The following PPP2R5E variants were observed in gnomAD, a reference collection of about 807,000 sequenced individuals.
PPP2R5E encodes the protein protein phosphatase 2 regulatory subunit B'epsilon.
In PPP2R5E, 4 loss-of-function variants were observed where a neutral mutation model predicts 65.3. That is an observed-to-expected ratio of 0.06 (90% confidence interval 0.03 to 0.14). PPP2R5E has a LOEUF of 0.14. PPP2R5E is among the 10% of genes least tolerant of loss of function. The probability of loss-of-function intolerance (pLI) is 1.00; values close to 1 mark genes in which losing one functional copy is unlikely to be tolerated. For missense variants in PPP2R5E, 274 were observed against 556.1 expected, an observed-to-expected ratio of 0.49 and a Z score of 5.10; for synonymous variants, 183 against 187.4, an observed-to-expected ratio of 0.98 and a Z score of 0.19.
chr14:63,432,172 A>G (rs1887710857), intron 3 of PPP2R5E, among the ~76,000 whole-genome samples: 1 of 151,934 alleles, frequency 6.6e-6, no homozygotes, highest in Non-Finnish European at 1.5e-5. Context: ...GGAAGACATC[A>G]TTTTTATTTA....
At chr14:63,483,349 G>A (rs1890806589) in intron 2 of PPP2R5E, among the ~76,000 whole-genome samples, 1 of 152,146 alleles carries the variant, frequency 6.6e-6, no homozygotes, top group Non-Finnish European at 1.5e-5. Context: ...GATTAAGGCT[G>A]TCAGTGGGAA....
intron 2 of PPP2R5E, among the ~76,000 whole-genome samples, chr14:63,495,417 C>CAAAAAAAAAAAAAAAA (rs772700927): frequency 2.7e-4 from 25 of 93,096 alleles, no homozygotes; most frequent in East Asian, 9.1e-4. Context: ...ACTAAAAATA[C>CAAAAAAAAAAAAAAAA]AAAAAAAAAA....
intron 3 of PPP2R5E, among the ~76,000 whole-genome samples, chr14:63,441,185 C>T (rs909377314): frequency 6.7e-6 from 1 of 150,178 alleles, no homozygotes; most frequent in Admixed American, 6.6e-5. Context: ...CAATAGAAGG[C>T]ATACGGGTGC....
Position 63,517,806 on chromosome 14 carries a change from C to T in PPP2R5E, c.157+21723G>A, listed in dbSNP as rs143044309. Among the ~76,000 whole-genome samples, 233 of 152,250 alleles carry T rather than the reference C, an allele frequency of 1.5e-3. 1 individual carries two copies. The highest frequency in any genetic ancestry group is 5.4e-3 in the African/African-American group (225 of 41,540). ...GTCTTCACAGTAACCATAACACCAC[C>T]GATGTTAATTGCTTCACCTAACTGC... On this transcript the variant is annotated intron_variant, in intron 2 of 13. Transcript: ENST00000337537.
At chr14:63,433,032 G>GTTTTTTTTTTTTTTTT (rs747571866) in intron 3 of PPP2R5E, among the ~76,000 whole-genome samples, 13 of 96,458 alleles carry the variant, frequency 1.3e-4, no homozygotes, top group Non-Finnish European at 1.7e-4. Flanking sequence ...GTTTTGTTTT[G>GTTTTTTTTTTTTTTTT]TTTTTTTTTT....
At chr14:63,498,879 A>G (rs1454543327) in intron 2 of PPP2R5E, among the ~76,000 whole-genome samples, 2 of 152,230 alleles carry the variant, frequency 1.3e-5, no homozygotes, top group Admixed American at 6.5e-5. Flanking sequence ...AACCACTGGC[A>G]GAGACTATGA....
chr14:63,516,318 G>T (rs929862422), intron 2 of PPP2R5E, among the ~76,000 whole-genome samples: 2 of 151,982 alleles, frequency 1.3e-5, no homozygotes, highest in Non-Finnish European at 2.9e-5. Context: ...CTTCCCATGA[G>T]GAAGAAAAAG....
intron 2 of PPP2R5E, among the ~76,000 whole-genome samples, chr14:63,476,072 A>G (rs76365468): frequency 8.9e-4 from 135 of 152,308 alleles, no homozygotes; most frequent in African/African-American, 3.0e-3. Flanking sequence ...TCTATCTGTC[A>G]TTGATAAACC....
intron 3 of PPP2R5E, among the ~76,000 whole-genome samples, chr14:63,432,412 C>T (rs187049789): frequency 3.3e-5 from 5 of 152,124 alleles, no homozygotes; most frequent in African/African-American, 9.7e-5. Context: ...TCTAGAAGAT[C>T]GGAGCACTGC....
intron 5 of PPP2R5E, among the ~76,000 whole-genome samples, chr14:63,413,551 A>T (rs1886520308): frequency 6.6e-6 from 1 of 152,124 alleles, no homozygotes; most frequent in South Asian, 2.1e-4. Flanking sequence ...AATGGGGCGG[A>T]GGGTGAGGGA....
chr14:63,430,647 G>C (rs1197407967), intron 3 of PPP2R5E, among the ~76,000 whole-genome samples: 1 of 152,056 alleles, frequency 6.6e-6, no homozygotes, highest in African/African-American at 2.4e-5. Context: ...AACATAGAAA[G>C]ATCTCAAAGC....
intron 3 of PPP2R5E, among the ~76,000 whole-genome samples, chr14:63,450,379 A>G (rs767480531): frequency 6.6e-6 from 1 of 152,194 alleles, no homozygotes; most frequent in Non-Finnish European, 1.5e-5. Flanking sequence ...ATGCCTCCTA[A>G]GATAAAGCTC....
In PPP2R5E at chr14:63,493,074, C is replaced by G. The variant is rs182939791; in HGVS notation, c.158-39189G>C. On this transcript the variant is annotated intron_variant, in intron 2 of 13. Transcript: ENST00000337537. ...ATCTACTAAAGGTGAGTGTGGCACGCAGCCATAAGAAATGGGGTAGAATCA... is the reference window on the plus strand; with the variant it reads ...ATCTACTAAAGGTGAGTGTGGCACGGAGCCATAAGAAATGGGGTAGAATCA... Among the ~76,000 whole-genome samples the G allele has an allele frequency of 2.5e-4, 38 of 152,256 alleles. 1 individual carries two copies. Among genetic ancestry groups the G allele is most frequent in the Admixed American group, 2.2e-3 (34 of 15,302 alleles).
intron 5 of PPP2R5E, among the ~76,000 whole-genome samples, chr14:63,398,520 C>T (rs1263516080): frequency 6.6e-6 from 1 of 152,118 alleles, no homozygotes; most frequent in South Asian, 2.1e-4. Flanking sequence ...GAAAAGCAAA[C>T]CCTGGCTCAC....
chr14:63,411,736 ATGCTCCCCTTT>A lies in PPP2R5E; in HGVS notation c.549+3393_549+3403del, dbSNP rs1048268607. ...GCTCCTCTCTCACCACGTGACACAC[ATGCTCCCCTTT>A]TGCTTTCCACCATGATTATAAGCTT... On this transcript the variant is annotated intron_variant, in intron 5 of 13. Transcript: ENST00000337537. 4.0e-5 allele frequency among the ~76,000 whole-genome samples: 6 copies of A among 151,078 alleles called. No individual in the cohort carries two copies. In the East Asian group the frequency reaches 5.8e-4, roughly 15 times the overall value.
In PPP2R5E at chr14:63,433,032, G is replaced by GTTTTTTTTTTTTTTTTTTTTTT. The variant is rs747571866; in HGVS notation, c.355-10960_355-10939dup. On this transcript the variant is annotated intron_variant, in intron 3 of 13. Transcript: ENST00000337537. ...ACAGTTTTGTTTTTTGTTTTGTTTTGTTTTTTTTTTTTTTTTTTTTTTTGA... is the reference window on the plus strand; with the variant it reads ...ACAGTTTTGTTTTTTGTTTTGTTTTGTTTTTTTTTTTTTTTTTTTTTTTTTTTTTTTTTTTTTTTTTTTTTGA... 3.7e-4 allele frequency among the ~76,000 whole-genome samples: 36 copies of GTTTTTTTTTTTTTTTTTTTTTT among 96,446 alleles called. 2 individuals carry two copies. Among genetic ancestry groups the GTTTTTTTTTTTTTTTTTTTTTT allele is most frequent in the Non-Finnish European group, 5.6e-4 (27 of 47,936 alleles). The allele number at this position is 96,446 out of a possible 152,430, so 63.3% of individuals were successfully genotyped here. A position where few individuals can be genotyped will look rare whatever the true frequency, so the allele number is the denominator to read the frequency against.
intron 2 of PPP2R5E, among the ~76,000 whole-genome samples, chr14:63,512,078 TAAA>T (rs57623942): frequency 0.4 from 34,317 of 86,830 alleles, 5,377 homozygotes; most frequent in African/African-American, 0.48. Flanking sequence ...GACTCTGCGG[TAAA>T]AAAAAAAAAA....
intron 2 of PPP2R5E, among the ~76,000 whole-genome samples, chr14:63,456,570 C>T (rs1352321733): frequency 2.0e-5 from 3 of 152,170 alleles, no homozygotes; most frequent in Non-Finnish European, 2.9e-5. Flanking sequence ...CTTCAATGGC[C>T]TTCTGCAGTA....
intron 2 of PPP2R5E, among the ~76,000 whole-genome samples, chr14:63,484,080 C>CAA (rs35786223): frequency 7.5e-6 from 1 of 134,216 alleles, no homozygotes. Context: ...GAGACTCCAC[C>CAA]AAAAAAAAAA....
Sources: allele counts gnomAD v4.1 joint callset (sites outside exome capture counted in the v4.1 genomes callset), GRCh38; gene constraint gnomAD v4.1.1; transcripts MANE v1.5; gene names NCBI Gene and HGNC (gene_info 2026-07-23, HGNC 2026-07-21).